The following POU6F2 variants were observed in gnomAD, a reference collection of about 807,000 sequenced individuals.
POU6F2 encodes POU class 6 homeobox 2.
POU6F2 carries 31 observed loss-of-function variants against 71.3 expected under a neutral mutation model. The ratio of observed to expected loss-of-function variants is 0.43; its 90% CI spans 0.33 to 0.59. The LOEUF is 0.59. POU6F2 is among the 20% of genes least tolerant of loss of function. POU6F2 has a pLI of 0.04. For missense variants in POU6F2, 783 were observed against 856.8 expected (o/e 0.91, Z 1.07); for synonymous variants, 347 against 355.7 (o/e 0.98, Z 0.27).
chr7:39,356,063 T>C (rs1227352892), intron 5 of POU6F2, among the ~76,000 whole-genome samples: 1 of 152,212 alleles, frequency 6.6e-6, no homozygotes, highest in Admixed American at 6.5e-5. Context: ...TCCCACCTAC[T>C]CTGGCCCCAA....
Position 38,999,903 on chromosome 7 carries a change from C to A in POU6F2, c.105+21845C>A, listed in dbSNP as rs1788851655. Among the ~76,000 whole-genome samples, 6 of 152,250 alleles carry A rather than the reference C, an allele frequency of 3.9e-5. 1 individual carries two copies. In the South Asian group the frequency reaches 1.2e-3, roughly 32 times the overall value. On this transcript the variant is annotated intron_variant, in intron 1 of 9. Transcript: ENST00000518318. ...TGTTCCTAGGCACGATGGCACAGAA[C>A]AAATATGTTGTCTTATCCTGTCTCA... is the stretch of plus-strand genomic sequence containing the variant.
chr7:39,179,039 T>G (rs931435351), intron 2 of POU6F2, among the ~76,000 whole-genome samples: 1 of 152,210 alleles, frequency 6.6e-6, no homozygotes, highest in Non-Finnish European at 1.5e-5. Context: ...TGGAAGCCTG[T>G]GTTTCAAGGA....
chr7:39,421,548 T>C (rs1399326392), intron 6 of POU6F2, among the ~76,000 whole-genome samples: 2 of 152,198 alleles, frequency 1.3e-5, no homozygotes. Flanking sequence ...ATGTGCTCAC[T>C]GAGTATAAAC....
intron 1 of POU6F2, among the ~76,000 whole-genome samples, chr7:39,032,925 C>T (rs1408061043): frequency 1.3e-5 from 2 of 152,156 alleles, no homozygotes; most frequent in African/African-American, 4.8e-5. Flanking sequence ...CAGGCCTCAG[C>T]GTGGTGAGGA....
At chr7:39,424,201 A>G (rs927072183) in intron 6 of POU6F2, among the ~76,000 whole-genome samples, 2 of 152,156 alleles carry the variant, frequency 1.3e-5, no homozygotes, top group African/African-American at 4.8e-5. Context: ...TTCAAATACC[A>G]TTATATTGGA....
intron 2 of POU6F2, among the ~76,000 whole-genome samples, chr7:39,170,936 C>T (rs1314039476): frequency 6.7e-6 from 1 of 149,684 alleles, no homozygotes; most frequent in East Asian, 1.9e-4. Context: ...ACATGTAACC[C>T]AATAATATGT....
At chr7:39,403,664 A>C (rs1392397016) in intron 5 of POU6F2, among the ~76,000 whole-genome samples, 1 of 152,220 alleles carries the variant, frequency 6.6e-6, no homozygotes, top group Non-Finnish European at 1.5e-5. Context: ...CAGTGCTAAC[A>C]TGATATGACT....
chr7:39,156,262 G>C (rs1292387426), intron 2 of POU6F2, among the ~76,000 whole-genome samples: 1 of 152,128 alleles, frequency 6.6e-6, no homozygotes, highest in East Asian at 1.9e-4. Flanking sequence ...ATTGACTACA[G>C]ACCCCCATTA....
intron 2 of POU6F2, among the ~76,000 whole-genome samples, chr7:39,158,931 G>A (rs1242480377): frequency 1.3e-5 from 2 of 152,028 alleles, no homozygotes; most frequent in African/African-American, 4.8e-5. Context: ...CAGCACTTTG[G>A]GAGGCCAAGG....
At chr7:39,397,232 G>T (rs900375762) in intron 5 of POU6F2, among the ~76,000 whole-genome samples, 1 of 151,908 alleles carries the variant, frequency 6.6e-6, no homozygotes, top group South Asian at 2.1e-4. Flanking sequence ...GAGCACAGGC[G>T]TTACACAGGA....
chr7:39,196,163 G>T (rs1793783422), intron 2 of POU6F2, among the ~76,000 whole-genome samples: 1 of 152,160 alleles, frequency 6.6e-6, no homozygotes, highest in South Asian at 2.1e-4. Flanking sequence ...AAAAATCTGT[G>T]GTGGTGGTAG....
intron 1 of POU6F2, chr7:39,001,982 T>G (rs1007804224): frequency 6.6e-6 from 1 of 152,234 alleles, no homozygotes; most frequent in Non-Finnish European, 1.5e-5. Context: ...GTAATGTTGA[T>G]TATAAGCCAC....
intron 4 of POU6F2, among the ~76,000 whole-genome samples, chr7:39,261,300 ATCC>A (rs1784136046): frequency 1.3e-5 from 2 of 152,188 alleles, no homozygotes; most frequent in Non-Finnish European, 2.9e-5. Flanking sequence ...ATTTCCCTGA[ATCC>A]TCCTTCCTCC....
chr7:39,112,296 G>A (rs1791831191), intron 2 of POU6F2, among the ~76,000 whole-genome samples: 1 of 152,072 alleles, frequency 6.6e-6, no homozygotes, highest in South Asian at 2.1e-4. Flanking sequence ...AGCGAATTCA[G>A]GTAAAATCTC....
chr7:39,231,093 T>C (rs1173135931), intron 4 of POU6F2, among the ~76,000 whole-genome samples: 1 of 152,168 alleles, frequency 6.6e-6, no homozygotes, highest in Non-Finnish European at 1.5e-5. Flanking sequence ...CAAAAAATTA[T>C]CTAGCCCCAA....
chr7:39,384,018 G>A (rs924732855), intron 5 of POU6F2, among the ~76,000 whole-genome samples: 1 of 152,204 alleles, frequency 6.6e-6, no homozygotes, highest in African/African-American at 2.4e-5. Flanking sequence ...AACCCAGATA[G>A]GGGTCTCAAA....
chr7:39,018,590 T>C (rs1297829106), intron 1 of POU6F2, among the ~76,000 whole-genome samples: 1 of 152,206 alleles, frequency 6.6e-6, no homozygotes, highest in Non-Finnish European at 1.5e-5. Context: ...TTCTCATTTA[T>C]GTCTTGCTCC....
intron 2 of POU6F2, among the ~76,000 whole-genome samples, chr7:39,101,443 A>G (rs1325400648): frequency 7.0e-6 from 1 of 142,934 alleles, no homozygotes; most frequent in East Asian, 2.6e-4. Context: ...TTTTCTAGGC[A>G]AGATTTTTTT....
intron 2 of POU6F2, among the ~76,000 whole-genome samples, chr7:39,126,664 C>T (rs777037535): frequency 2.0e-4 from 30 of 152,092 alleles, no homozygotes; most frequent in Non-Finnish European, 4.1e-4. Context: ...TCCAAATTCT[C>T]GGTATATTGA....
Sources: allele counts gnomAD v4.1 joint callset (sites outside exome capture counted in the v4.1 genomes callset), GRCh38; gene constraint gnomAD v4.1.1; transcripts MANE v1.5; gene names NCBI Gene and HGNC (gene_info 2026-07-23, HGNC 2026-07-21).